The following TRDMT1 variants were observed in gnomAD, a reference collection of about 807,000 sequenced individuals.
TRDMT1 encodes the protein tRNA (cytosine(38)-C(5))-methyltransferase.
In TRDMT1, 49 loss-of-function variants were observed where a neutral mutation model predicts 51.2. The observed-to-expected ratio is 0.96, with a 90% CI of 0.76 to 1.21. The LOEUF (loss-of-function observed/expected upper bound fraction) is 1.21. Ranked by LOEUF, TRDMT1 falls within the 50% of genes most tolerant of loss-of-function variation. The pLI, the probability that TRDMT1 is intolerant of heterozygous loss-of-function variation, is 0.00. For synonymous variants in TRDMT1, 187 were observed against 164.6 expected, an observed-to-expected ratio of 1.14 and a Z score of -1.04; for missense variants, 534 against 462.3, an observed-to-expected ratio of 1.16 and a Z score of -1.42.
At chr10:17,151,924 G>A in intron 10 of TRDMT1, 3 of 1,157,098 alleles carry the variant, frequency 2.6e-6, no homozygotes, top group Non-Finnish European at 3.3e-6. Flanking sequence ...AGGTGGGGCT[G>A]GGATATGAAA....
At chr10:17,160,060 C>A (rs531453312) in intron 6 of TRDMT1, among the ~76,000 whole-genome samples, 113 of 152,186 alleles carry the variant, frequency 7.4e-4, no homozygotes, top group African/African-American at 2.6e-3. Context: ...CTATCCTTTG[C>A]TCTCTAAAAG....
chr10:17,154,880 G>C (rs1229838449), intron 8 of TRDMT1, 146 bp from the exon 9 acceptor site: 1 of 672,730 alleles, frequency 1.5e-6, no homozygotes, highest in African/African-American at 1.9e-5. Flanking sequence ...ATCCTTTGTA[G>C]GTAAAAAATT....
At chr10:17,201,450 CCA>C in intron 1 of TRDMT1, 119 bp downstream of exon 1, 1 of 1,102,008 alleles carries the variant, frequency 9.1e-7, no homozygotes, top group Non-Finnish European at 1.3e-6. Flanking sequence ...GAGGGCCGCC[CCA>C]CAGTGTCCGC....
chr10:17,182,327 C>T (rs1290012173), intron 1 of TRDMT1, among the ~76,000 whole-genome samples: 1 of 152,224 alleles, frequency 6.6e-6, no homozygotes, highest in East Asian at 1.9e-4. Flanking sequence ...ACTGGGCCTA[C>T]ATTTGGACCT....
At chr10:17,186,052 TAAA>T (rs1843856402) in intron 1 of TRDMT1, among the ~76,000 whole-genome samples, 4 of 88,704 alleles carry the variant, frequency 4.5e-5, no homozygotes, top group Admixed American at 4.4e-4. Context: ...TACAGTATAA[TAAA>T]TAAATAAATA....
chr10:17,170,329 A>T (rs1312701732), intron 2 of TRDMT1, among the ~76,000 whole-genome samples: 2 of 152,240 alleles, frequency 1.3e-5, no homozygotes, highest in Non-Finnish European at 2.9e-5. Flanking sequence ...TGGATTAAAT[A>T]AAGTAGTCAT....
chr10:17,200,073 G>GC (rs1554772492), intron 1 of TRDMT1, among the ~76,000 whole-genome samples: 1 of 152,148 alleles, frequency 6.6e-6, no homozygotes, highest in Admixed American at 6.5e-5. Context: ...TAAAAATTCT[G>GC]TTTTTCACTT....
chr10:17,143,489 AT>A lies in TRDMT1; in HGVS notation c.*5550del. 1 of 985,360 alleles carries A rather than the reference AT, an allele frequency of 1.0e-6. No homozygotes were observed. The highest frequency in any genetic ancestry group is 1.2e-6 in the Non-Finnish European group (1 of 829,922). The allele number at this position is 985,360 out of a possible 1,614,324, so 61.0% of individuals were successfully genotyped here. ...CACATTCCATTCAGTGTTTTCAGTC[AT>A]TTTTTTCACATGTGAAATTTAACTG... On this transcript the variant is annotated 3_prime_UTR_variant, in exon 11 of 11. Transcript: ENST00000377799.
chr10:17,181,577 T>C (rs933282683), intron 1 of TRDMT1, among the ~76,000 whole-genome samples: 1 of 152,212 alleles, frequency 6.6e-6, no homozygotes, highest in African/African-American at 2.4e-5. Context: ...TGTTCTCCTG[T>C]TTCTGAGAAC....
At chr10:17,153,383 T>A (rs1839037472) in intron 10 of TRDMT1, 124 bp downstream of exon 10, 2 of 1,116,786 alleles carry the variant, frequency 1.8e-6, no homozygotes, top group South Asian at 1.6e-5. Context: ...ATAAATGGCA[T>A]GATCAGGAAA....
chr10:17,167,333 T>C (rs1196071216), intron 3 of TRDMT1, among the ~76,000 whole-genome samples: 1 of 152,206 alleles, frequency 6.6e-6, no homozygotes. Flanking sequence ...ATGGAATATA[T>C]AAAATGATTA....
intron 1 of TRDMT1, among the ~76,000 whole-genome samples, chr10:17,197,048 G>A (rs1040614721): frequency 1.3e-5 from 2 of 152,114 alleles, no homozygotes; most frequent in East Asian, 1.9e-4. Context: ...ACTATAGTGT[G>A]GGCAGTGCTC....
intron 1 of TRDMT1, among the ~76,000 whole-genome samples, chr10:17,180,480 C>CGCCACA (rs1843143239): frequency 6.9e-6 from 1 of 144,624 alleles, no homozygotes; most frequent in Non-Finnish European, 1.5e-5. Context: ...GTGGAGGTTG[C>CGCCACA]AGTGAGCCGA....
intron 2 of TRDMT1, 61 bp from the exon 3 acceptor site, chr10:17,168,978 G>A (rs2131483546): frequency 2.9e-6 from 3 of 1,028,726 alleles, no homozygotes; most frequent in Non-Finnish European, 4.3e-6. Flanking sequence ...ATGGGGAAGA[G>A]GGAAAATACT....
At position 17,143,215 on chromosome 10, in the gene TRDMT1, T is replaced by C. The variant is rs1837826273; in HGVS notation, c.*5825A>G. On this transcript the variant is annotated 3_prime_UTR_variant, in exon 11 of 11. Transcript: ENST00000377799. ...TGTAGCTTCAATATTGATTCCAGTA[T>C]GGTTCCTACATTCACTCATTCAACA... The C allele has an allele frequency of 3.0e-6, 3 of 985,340 alleles. No homozygotes were observed. The South Asian group carries it at 1.4e-4, about 46-fold the overall frequency. 61.0% of individuals were successfully genotyped at this position (985,340 alleles called of 1,614,324 possible). A position where few individuals can be genotyped will look rare whatever the true frequency, so the allele number is the denominator to read the frequency against.
At chr10:17,189,213 A>G (rs937816758) in intron 1 of TRDMT1, among the ~76,000 whole-genome samples, 3 of 152,330 alleles carry the variant, frequency 2.0e-5, no homozygotes, top group African/African-American at 7.2e-5. Flanking sequence ...AAACATGTCT[A>G]TAAGAGTGTA....
chr10:17,186,249 C>G (rs935182177), intron 1 of TRDMT1, among the ~76,000 whole-genome samples: 3 of 151,914 alleles, frequency 2.0e-5, no homozygotes, highest in Non-Finnish European at 4.4e-5. Flanking sequence ...CAAAGATATC[C>G]ACATCTTAAT....
rs965350454 is a variant in TRDMT1 at position 17,147,123 on chromosome 10, T to C, written c.*1917A>G. On this transcript the variant is annotated 3_prime_UTR_variant, in exon 11 of 11. Coordinates refer to ENST00000377799, the MANE Select transcript of TRDMT1 (RefSeq NM_004412.7). ...AACCGAATGTGGGATACTATAATTATAGCATAATTATTCATAGTTACAGTA... is the reference window on the plus strand; with the variant it reads ...AACCGAATGTGGGATACTATAATTACAGCATAATTATTCATAGTTACAGTA... The C allele has an allele frequency of 1.0e-6, 1 of 985,820 alleles. No homozygotes were observed. The highest frequency in any genetic ancestry group is 1.2e-6 in the Non-Finnish European group (1 of 829,874). 61.1% of individuals were successfully genotyped at this position (985,820 alleles called of 1,614,324 possible).
Position 17,193,545 on chromosome 10 carries a change from T to A in TRDMT1, c.64+8026A>T, listed in dbSNP as rs151317190. 8.8e-3 allele frequency among the ~76,000 whole-genome samples: 1,336 copies of A among 152,232 alleles called. 12 individuals are homozygous for A. The highest frequency in any genetic ancestry group is 0.015 in the Non-Finnish European group (1,017 of 68,010). On this transcript the variant is annotated intron_variant, in intron 1 of 10. Transcript: ENST00000377799. Reference sequence around the variant, plus strand: ...ACTGAGAGTCAAATCAAGAATGTGATCTTCTTTATAACAGCCACAAAAAAC... The same window carrying A: ...ACTGAGAGTCAAATCAAGAATGTGAACTTCTTTATAACAGCCACAAAAAAC...
Sources: allele counts gnomAD v4.1 joint callset (sites outside exome capture counted in the v4.1 genomes callset), GRCh38; gene constraint gnomAD v4.1.1; transcripts MANE v1.5; gene names NCBI Gene and HGNC (gene_info 2026-07-23, HGNC 2026-07-21).